Variants in PDE3A observed in about 807,000 individuals in gnomAD.
The protein encoded by PDE3A is phosphodiesterase 3A.
PDE3A carries 43 observed loss-of-function variants against 98.3 expected under a neutral mutation model. The ratio of observed to expected loss-of-function variants is 0.44; its 90% confidence interval spans 0.34 to 0.56. The LOEUF (loss-of-function observed/expected upper bound fraction) is 0.56. PDE3A is among the 20% of genes least tolerant of loss of function. The probability of loss-of-function intolerance (pLI) is 0.01; values close to 1 mark genes in which losing one functional copy is unlikely to be tolerated. For missense variants in PDE3A, 1,427 were observed against 1,440.7 expected (o/e 0.99, Z 0.15); for synonymous variants, 663 against 567.9 (o/e 1.17, Z -2.38).
chr12:20,411,351 A>C (rs1028825605), intron 1 of PDE3A, among the ~76,000 whole-genome samples: 4 of 152,134 alleles, frequency 2.6e-5, no homozygotes, highest in African/African-American at 9.7e-5. Flanking sequence ...TTCTGTCCCT[A>C]AGAATTTGAC....
chr12:20,586,368 C>T (rs1157760179), intron 2 of PDE3A, among the ~76,000 whole-genome samples: 5 of 152,162 alleles, frequency 3.3e-5, no homozygotes, highest in Non-Finnish European at 5.9e-5. Flanking sequence ...AAACCTCTCA[C>T]GTGCCCTTTA....
intron 1 of PDE3A, among the ~76,000 whole-genome samples, chr12:20,518,339 C>G (rs924926633): frequency 4.0e-5 from 6 of 151,852 alleles, no homozygotes; most frequent in Non-Finnish European, 7.4e-5. Context: ...CTTTCTAATC[C>G]TTGCTATGAC....
chr12:20,370,403 TTTTTTGTTTTTTTTTTTTTG>T (rs1319568698), intron 1 of PDE3A, 159 bp downstream of exon 1: 9 of 471,850 alleles, frequency 1.9e-5, no homozygotes, highest in Non-Finnish European at 2.8e-5. Flanking sequence ...TTTTTTTGTT[TTTTTTGTTTTTTTTTTTTTG>T]TTTTTTTGCC....
At chr12:20,648,927 CT>C (rs71039963) in intron 13 of PDE3A, 36 bp downstream of exon 13, 33,118 of 886,702 alleles carry the variant, frequency 0.037, 1,253 homozygotes, top group Middle Eastern at 0.05. Context: ...TTTTCTTTTT[CT>C]TTTTTTTTTT....
At chr12:20,678,195 T>C (rs1945687803) in intron 15 of PDE3A, among the ~76,000 whole-genome samples, 1 of 152,216 alleles carries the variant, frequency 6.6e-6, no homozygotes, top group South Asian at 2.1e-4. Context: ...TGTGGATGGC[T>C]GGATTCATTC....
chr12:20,561,997 A>G (rs961499206), intron 2 of PDE3A, among the ~76,000 whole-genome samples: 2 of 152,042 alleles, frequency 1.3e-5, no homozygotes, highest in East Asian at 3.9e-4. Flanking sequence ...TATAACTCTC[A>G]AATAGTAGAT....
chr12:20,553,697 C>T (rs71210074), intron 1 of PDE3A, among the ~76,000 whole-genome samples: 22 of 152,338 alleles, frequency 1.4e-4, no homozygotes, highest in African/African-American at 3.8e-4. Flanking sequence ...AAGGGGACTC[C>T]GCTCCACGTG....
chr12:20,653,627 T>C (rs1944970950), intron 14 of PDE3A, among the ~76,000 whole-genome samples: 2 of 152,296 alleles, frequency 1.3e-5, no homozygotes, highest in African/African-American at 4.8e-5. Context: ...ATTACAGGCG[T>C]GAGCCACCAC....
chr12:20,620,273 CA>C (rs1293443001), intron 4 of PDE3A, among the ~76,000 whole-genome samples: 4 of 151,958 alleles, frequency 2.6e-5, no homozygotes, highest in Admixed American at 2.6e-4. Context: ...CTTACATTGC[CA>C]ATCTAAGATT....
chr12:20,556,937 T>C (rs960656062), intron 2 of PDE3A: 34 of 563,812 alleles, frequency 6.0e-5, no homozygotes, highest in Non-Finnish European at 9.1e-5. Context: ...ATTGGTTGTG[T>C]TTATATGAAT....
At chr12:20,377,266 C>A (rs1943589332) in intron 1 of PDE3A, among the ~76,000 whole-genome samples, 1 of 151,736 alleles carries the variant, frequency 6.6e-6, no homozygotes, top group Non-Finnish European at 1.5e-5. Flanking sequence ...ACAAGCCATA[C>A]ATTTGATTTT....
chr12:20,633,761 G>C lies in PDE3A; in HGVS notation c.1829G>C (p.Arg610Pro). 1.3e-6 allele frequency: 2 copies of C among 1,598,104 alleles called. No individual in the cohort carries two copies. The highest frequency in any genetic ancestry group is 1.7e-6 in the Non-Finnish European group (2 of 1,167,568). ...CTGGAGAGAAGTGGGGTAGCCACTCGGACACCAAGTAGAACAGGTAATTCA... is the reference window on the plus strand; with the variant it reads ...CTGGAGAGAAGTGGGGTAGCCACTCCGACACCAAGTAGAACAGGTAATTCA... Reference protein sequence around the residue: ...EPLERSGVATRTPSRTDDTAQ... With the variant: ...EPLERSGVATPTPSRTDDTAQ... The change falls in exon 7 of 16, where the codon CGG becomes CCG. Residue 610 changes from arginine to proline, a missense_variant. By Grantham distance (103) the Arg-to-Pro change is moderately radical. Around this residue, in one of 3 missense-constraint regions of PDE3A, gnomAD observed 1,012 missense variants for 886.5 expected, o/e 1.14. Transcript: ENST00000359062.
chr12:20,396,433 A>G (rs1032491159), intron 1 of PDE3A, among the ~76,000 whole-genome samples: 13 of 152,130 alleles, frequency 8.5e-5, no homozygotes, highest in African/African-American at 2.7e-4. Context: ...GTGCAGAAGA[A>G]TTTAGAACTT....
chr12:20,536,341 GGTGT>G (rs56788789), intron 1 of PDE3A, among the ~76,000 whole-genome samples: 4 of 150,654 alleles, frequency 2.7e-5, no homozygotes, highest in Admixed American at 6.6e-5. Context: ...TTTACTGTGA[GGTGT>G]GTGTGTGTGT....
chr12:20,423,303 A>T (rs1211536163), intron 1 of PDE3A, among the ~76,000 whole-genome samples: 2 of 152,022 alleles, frequency 1.3e-5, no homozygotes, highest in East Asian at 3.9e-4. Flanking sequence ...TTTTCTCCCA[A>T]ATCAATCCCT....
intron 1 of PDE3A, among the ~76,000 whole-genome samples, chr12:20,486,848 G>A (rs1410112439): frequency 6.6e-6 from 1 of 152,192 alleles, no homozygotes; most frequent in Non-Finnish European, 1.5e-5. Flanking sequence ...TGGCCAGGCT[G>A]GTCTCCAGCT....
intron 1 of PDE3A, among the ~76,000 whole-genome samples, chr12:20,482,430 T>C (rs1446462344): frequency 6.6e-6 from 1 of 151,550 alleles, no homozygotes. Flanking sequence ...AAGAAAAAAA[T>C]CATGTTCAAG....
chr12:20,430,366 C>T (rs1318733530), intron 1 of PDE3A, among the ~76,000 whole-genome samples: 1 of 152,050 alleles, frequency 6.6e-6, no homozygotes, highest in Non-Finnish European at 1.5e-5. Flanking sequence ...AAACTTTCTT[C>T]AGAAAGGTAT....
intron 2 of PDE3A, among the ~76,000 whole-genome samples, chr12:20,586,074 G>A (rs1173885421): frequency 6.6e-6 from 1 of 152,216 alleles, no homozygotes; most frequent in Non-Finnish European, 1.5e-5. Flanking sequence ...GTAATAGCTG[G>A]AGTAAACCTT....
Sources: allele counts gnomAD v4.1 joint callset (sites outside exome capture counted in the v4.1 genomes callset), GRCh38; gene constraint gnomAD v4.1.1; regional missense constraint gnomAD v4.1.1; transcripts MANE v1.5; gene names NCBI Gene and HGNC (gene_info 2026-07-23, HGNC 2026-07-21).